The following SAMMSON variants were observed in gnomAD, a reference collection of about 807,000 sequenced individuals.
SAMMSON encodes the protein long intergenic non-protein coding RNA 1212.
At chr3:70,281,538 A>G (rs1255233947) in intron 6 of SAMMSON, among the ~76,000 whole-genome samples, 1 of 152,198 alleles carries the variant, frequency 6.6e-6, no homozygotes, top group Non-Finnish European at 1.5e-5. Flanking sequence ...AAATGAGATC[A>G]TATAAGTGTC....
chr3:70,045,033 AT>A (rs1373840070), intron 3 of SAMMSON, among the ~76,000 whole-genome samples: 3 of 123,648 alleles, frequency 2.4e-5, no homozygotes, highest in East Asian at 2.1e-4. Context: ...TATAATATAT[AT>A]TATAATTAAT....
intron 4 of SAMMSON, among the ~76,000 whole-genome samples, chr3:70,196,706 A>T (rs1407195603): frequency 6.6e-6 from 1 of 152,230 alleles, no homozygotes; most frequent in Non-Finnish European, 1.5e-5. Context: ...ACATGTGATC[A>T]AGAATCTTAT....
At chr3:70,305,543 C>G (rs1042958489) in intron 7 of SAMMSON, among the ~76,000 whole-genome samples, 3 of 152,182 alleles carry the variant, frequency 2.0e-5, no homozygotes, top group African/African-American at 7.2e-5. Flanking sequence ...TAATAAAGCA[C>G]TTAAGTACAT....
At chr3:70,258,823 C>T (rs1298956211) in intron 6 of SAMMSON, among the ~76,000 whole-genome samples, 1 of 151,974 alleles carries the variant, frequency 6.6e-6, no homozygotes, top group Non-Finnish European at 1.5e-5. Flanking sequence ...GAAGGAGGCA[C>T]ACAAAAACGC....
chr3:70,319,552 G>A (rs116255157), intron 7 of SAMMSON, among the ~76,000 whole-genome samples: 9 of 152,022 alleles, frequency 5.9e-5, no homozygotes, highest in East Asian at 1.9e-4. Flanking sequence ...CTCCTGTGAC[G>A]GGCAGACACA....
intron 2 of SAMMSON, among the ~76,000 whole-genome samples, chr3:70,421,383 T>C (rs1314108240): frequency 6.6e-6 from 1 of 152,140 alleles, no homozygotes; most frequent in East Asian, 1.9e-4. Flanking sequence ...ATTAATCCCT[T>C]TCCTAAAGAA....
At chr3:70,261,073 G>A (rs548373333) in intron 6 of SAMMSON, among the ~76,000 whole-genome samples, 7 of 152,168 alleles carry the variant, frequency 4.6e-5, no homozygotes, top group African/African-American at 7.2e-5. Context: ...GCACTTCAAC[G>A]TTTATTTAAA....
intron 4 of SAMMSON, among the ~76,000 whole-genome samples, chr3:70,134,428 A>G (rs1027402620): frequency 6.6e-6 from 1 of 151,714 alleles, no homozygotes; most frequent in Non-Finnish European, 1.5e-5. Flanking sequence ...ACTTGGAGGT[A>G]TCCCTGCATT....
intron 6 of SAMMSON, among the ~76,000 whole-genome samples, chr3:70,268,982 C>G (rs1351667963): frequency 6.6e-6 from 1 of 151,910 alleles, no homozygotes; most frequent in Non-Finnish European, 1.5e-5. Flanking sequence ...TCTTAACCTT[C>G]TTGTATATTA....
chr3:70,227,577 A>G (rs1701519945), intron 4 of SAMMSON, among the ~76,000 whole-genome samples: 1 of 152,244 alleles, frequency 6.6e-6, no homozygotes, highest in Non-Finnish European at 1.5e-5. Context: ...GAAAGTGAAA[A>G]GTTGAACATA....
In SAMMSON at chr3:70,116,211, T is replaced by C. The variant is rs574626316; in HGVS notation, n.507+44646T>C. Among the ~76,000 whole-genome samples, 10 of 151,596 alleles carry C rather than the reference T, an allele frequency of 6.6e-5. No individual in the cohort carries two copies. The South Asian group carries it at 1.7e-3, about 25-fold the overall frequency. On this transcript the variant is annotated intron_variant and non_coding_transcript_variant, in intron 4 of 9. Transcript: ENST00000642114. ...TCTAGCATTTATCTGAGCACAGATATTGGAAATTATTGCAAAGGGGATATA... is the reference window on the plus strand; with the variant it reads ...TCTAGCATTTATCTGAGCACAGATACTGGAAATTATTGCAAAGGGGATATA...
intron 9 of SAMMSON, among the ~76,000 whole-genome samples, chr3:70,364,841 A>G (rs1396902135): frequency 1.3e-5 from 2 of 151,226 alleles, no homozygotes; most frequent in Non-Finnish European, 3.0e-5. Context: ...TCTATCTTCC[A>G]TATCTCTTAC....
At chr3:70,122,665 T>A (rs1055411375) in intron 4 of SAMMSON, among the ~76,000 whole-genome samples, 6 of 152,264 alleles carry the variant, frequency 3.9e-5, no homozygotes, top group Non-Finnish European at 1.5e-5. Flanking sequence ...GATGAAAAGC[T>A]GTGAAACAGA....
chr3:70,233,695 A>G (rs1305305151), intron 4 of SAMMSON, among the ~76,000 whole-genome samples: 1 of 152,130 alleles, frequency 6.6e-6, no homozygotes, highest in African/African-American at 2.4e-5. Context: ...CATTCTTCTT[A>G]CTACAGATTG....
At chr3:70,038,349 C>T (rs1019959140) in intron 3 of SAMMSON, among the ~76,000 whole-genome samples, 12 of 152,084 alleles carry the variant, frequency 7.9e-5, no homozygotes, top group African/African-American at 2.2e-4. Context: ...CTTGTTTTCT[C>T]TCACCATGTG....
chr3:70,321,396 G>A (rs894688088), intron 7 of SAMMSON, among the ~76,000 whole-genome samples: 37 of 152,148 alleles, frequency 2.4e-4, no homozygotes, highest in African/African-American at 8.7e-4. Context: ...ATGATCTGGA[G>A]ATTCATCCAC....
intron 9 of SAMMSON, among the ~76,000 whole-genome samples, chr3:70,384,069 G>A (rs1287020093): frequency 6.6e-6 from 1 of 151,870 alleles, no homozygotes; most frequent in African/African-American, 2.4e-5. Flanking sequence ...CTAAACCCAG[G>A]AGCAGAAAGC....
At chr3:70,016,000 T>C (rs2066983427) in intron 3 of SAMMSON, among the ~76,000 whole-genome samples, 1 of 152,220 alleles carries the variant, frequency 6.6e-6, no homozygotes. Context: ...TCTTTGCTGT[T>C]GTGAATAGTG....
intron 4 of SAMMSON, among the ~76,000 whole-genome samples, chr3:70,239,798 C>G (rs1341572617): frequency 2.0e-5 from 3 of 152,096 alleles, no homozygotes; most frequent in African/African-American, 4.8e-5. Flanking sequence ...ACAGTGACGT[C>G]TCGTTCAACT....
Sources: gnomAD v4.1 joint callset for allele counts (sites outside exome capture counted in the v4.1 genomes callset) on GRCh38, gnomAD v4.1.1 for gene constraint, MANE v1.5 for transcripts, NCBI Gene and HGNC (gene_info 2026-07-23, HGNC 2026-07-21) for gene names.